SLC25A21: variants seen among roughly 807,000 people sequenced by gnomAD.
SLC25A21 encodes mitochondrial 2-oxodicarboxylate carrier.
In SLC25A21, 47 loss-of-function variants were observed where a neutral mutation model predicts 43.8. The observed-to-expected ratio is 1.07, with a 90% CI of 0.85 to 1.37. SLC25A21 has a LOEUF of 1.37. Among genes scored for constraint, SLC25A21 ranks in the 40% most tolerant of loss-of-function variants. The probability of loss-of-function intolerance (pLI) is 0.00; values close to 1 mark genes in which losing one functional copy is unlikely to be tolerated. For missense variants in SLC25A21, 352 were observed against 350.2 expected (o/e 1.00, Z -0.04); for synonymous variants, 131 against 121.3 (o/e 1.08, Z -0.52).
chr14:37,140,306 G>C (rs556743949), intron 1 of SLC25A21, among the ~76,000 whole-genome samples: 1 of 152,294 alleles, frequency 6.6e-6, no homozygotes, highest in South Asian at 2.1e-4. Flanking sequence ...TTAAGGGCAA[G>C]AACTATGACT....
chr14:37,028,742 T>A lies in SLC25A21; in HGVS notation c.70+143539A>T, dbSNP rs557975164. Among the ~76,000 whole-genome samples the A allele has an allele frequency of 2.6e-5, 4 of 152,332 alleles. No homozygotes were observed. In the East Asian group the frequency reaches 7.7e-4, roughly 29 times the overall value. The stretch of plus-strand genomic sequence containing the variant: ...GTGACATCTTTAGAGCATTTTTTAA[T>A]GCACTTGGGTACATTCAACTCAGTT... On this transcript the variant is annotated intron_variant, in intron 1 of 9. Transcript: ENST00000331299.
At chr14:37,053,494 C>G (rs547044013) in intron 1 of SLC25A21, among the ~76,000 whole-genome samples, 2 of 152,258 alleles carry the variant, frequency 1.3e-5, no homozygotes, top group African/African-American at 4.8e-5. Context: ...TGTATATCCT[C>G]TGACAATGTA....
intron 3 of SLC25A21, among the ~76,000 whole-genome samples, chr14:36,801,809 C>A (rs1296141398): frequency 6.6e-6 from 1 of 151,842 alleles, no homozygotes; most frequent in African/African-American, 2.4e-5. Flanking sequence ...AGTTTTTGTC[C>A]CTCTGCTTAT....
intron 1 of SLC25A21, among the ~76,000 whole-genome samples, chr14:37,091,163 G>A (rs1031840481): frequency 3.9e-5 from 6 of 152,198 alleles, no homozygotes; most frequent in East Asian, 3.9e-4. Context: ...GGCCGGGTGC[G>A]GTGGCTCATA....
chr14:36,762,236 T>C lies in SLC25A21; in HGVS notation c.204-27663A>G, dbSNP rs540333556. Among the ~76,000 whole-genome samples the C allele has an allele frequency of 7.9e-5, 12 of 152,352 alleles. No individual in the cohort carries two copies. The South Asian group carries it at 2.5e-3, about 32-fold the overall frequency. On this transcript the variant is annotated intron_variant, in intron 3 of 9. Transcript: ENST00000331299. The stretch of plus-strand genomic sequence containing the variant: ...CTAACAATTCCTATTGGATGCTTAC[T>C]ATCAGGCACTGGGTTAGTTGTTTTG...
intron 2 of SLC25A21, among the ~76,000 whole-genome samples, chr14:36,861,608 C>A (rs946781488): frequency 1.9e-4 from 29 of 152,212 alleles, no homozygotes; most frequent in African/African-American, 7.0e-4. Flanking sequence ...CTGCTCTTTA[C>A]AGAGGCAGCT....
At chr14:37,062,886 A>T (rs889564026) in intron 1 of SLC25A21, among the ~76,000 whole-genome samples, 3 of 152,162 alleles carry the variant, frequency 2.0e-5, no homozygotes, top group African/African-American at 7.2e-5. Context: ...ACCCTGGTGT[A>T]TTAGTGCATT....
intron 2 of SLC25A21, among the ~76,000 whole-genome samples, chr14:36,824,587 A>G (rs954860357): frequency 6.6e-6 from 1 of 152,196 alleles, no homozygotes; most frequent in South Asian, 2.1e-4. Flanking sequence ...TAGGATTAAG[A>G]TCGCTTAGAA....
chr14:37,158,734 G>C (rs1963890813), intron 1 of SLC25A21, among the ~76,000 whole-genome samples: 1 of 152,026 alleles, frequency 6.6e-6, no homozygotes, highest in African/African-American at 2.4e-5. Flanking sequence ...CCTAACCGAA[G>C]CAATCAGCCA....
chr14:36,857,240 T>C (rs747356277), intron 2 of SLC25A21, among the ~76,000 whole-genome samples: 1 of 152,206 alleles, frequency 6.6e-6, no homozygotes, highest in Admixed American at 6.5e-5. Context: ...AAGACCCCTC[T>C]GGAGGGCAGG....
At chr14:37,129,139 G>C (rs1252284792) in intron 1 of SLC25A21, among the ~76,000 whole-genome samples, 5 of 152,210 alleles carry the variant, frequency 3.3e-5, no homozygotes, top group African/African-American at 7.2e-5. Flanking sequence ...TGCTGGGTTA[G>C]AGGGATGAGA....
At chr14:36,736,236 G>A (rs2139232322) in intron 3 of SLC25A21, among the ~76,000 whole-genome samples, 1 of 152,048 alleles carries the variant, frequency 6.6e-6, no homozygotes, top group Middle Eastern at 3.4e-3. Flanking sequence ...TGCCCAGCCT[G>A]CCCACGATTT....
chr14:36,874,147 T>C (rs1224649526), intron 2 of SLC25A21, among the ~76,000 whole-genome samples: 1 of 152,234 alleles, frequency 6.6e-6, no homozygotes, highest in African/African-American at 2.4e-5. Flanking sequence ...ATCCATCCAA[T>C]GACCAGCCTG....
chr14:37,065,229 G>A (rs1213368389), intron 1 of SLC25A21, among the ~76,000 whole-genome samples: 1 of 152,158 alleles, frequency 6.6e-6, no homozygotes, highest in Non-Finnish European at 1.5e-5. Context: ...CCTGAATGCA[G>A]AGATTATACT....
chr14:37,071,354 T>C (rs986677378), intron 1 of SLC25A21, among the ~76,000 whole-genome samples: 2 of 152,326 alleles, frequency 1.3e-5, no homozygotes, highest in East Asian at 1.9e-4. Flanking sequence ...AAGCACTTAT[T>C]AGTTATTAAA....
intron 3 of SLC25A21, 25 bp from the exon 4 acceptor site, chr14:36,734,598 T>C (rs770243271): frequency 6.4e-7 from 1 of 1,564,216 alleles, no homozygotes; most frequent in Admixed American, 1.8e-5. Context: ...AAAGATTTCC[T>C]ATGAGTAAGG....
intron 1 of SLC25A21, among the ~76,000 whole-genome samples, chr14:37,065,092 C>CT: frequency 6.6e-6 from 1 of 152,252 alleles, no homozygotes; most frequent in South Asian, 2.1e-4. Context: ...TATGTATATG[C>CT]TGGGACCAAC....
At chr14:36,722,647 A>C (rs187969915) in intron 6 of SLC25A21, among the ~76,000 whole-genome samples, 233 of 152,288 alleles carry the variant, frequency 1.5e-3, no homozygotes, top group East Asian at 6.4e-3. Flanking sequence ...ATATTATTAA[A>C]TTAATTTCAC....
chr14:36,986,844 T>C (rs1000161038), intron 1 of SLC25A21, among the ~76,000 whole-genome samples: 2 of 152,174 alleles, frequency 1.3e-5, no homozygotes, highest in South Asian at 4.1e-4. Context: ...CTTTGAATAT[T>C]GGGTTTATGA....
Sources: gnomAD v4.1 joint callset for allele counts (sites outside exome capture counted in the v4.1 genomes callset) on GRCh38, gnomAD v4.1.1 for gene constraint, MANE v1.5 for transcripts, NCBI Gene and HGNC (gene_info 2026-07-23, HGNC 2026-07-21) for gene names.